Variants in L2HGDH observed in about 807,000 individuals in gnomAD.
L2HGDH encodes the protein L-2-hydroxyglutarate dehydrogenase, mitochondrial.
L2HGDH carries 34 observed loss-of-function variants against 51.5 expected under a neutral mutation model. The ratio of observed to expected loss-of-function variants is 0.66; its 90% CI spans 0.50 to 0.88. L2HGDH has a LOEUF of 0.88. Among genes scored for constraint, L2HGDH ranks in the 40% least tolerant of loss-of-function variants. The pLI, the probability that L2HGDH is intolerant of heterozygous loss-of-function variation, is 0.00. For synonymous variants in L2HGDH, 198 were observed against 197.9 expected, an observed-to-expected ratio of 1.00 and a Z score of -0.01; for missense variants, 558 against 571.9, an observed-to-expected ratio of 0.98 and a Z score of 0.25.
At chr14:50,251,122 G>C (rs745483807) in intron 9 of L2HGDH, among the ~76,000 whole-genome samples, 3 of 152,136 alleles carry the variant, frequency 2.0e-5, no homozygotes, top group Non-Finnish European at 2.9e-5. Context: ...AGAAATTCAA[G>C]ACAACACAGA....
chr14:50,295,137 A>G (rs879721198), intron 3 of L2HGDH, among the ~76,000 whole-genome samples: 2 of 152,224 alleles, frequency 1.3e-5, no homozygotes, highest in Non-Finnish European at 2.9e-5. Flanking sequence ...AAGAATTCTT[A>G]CAACTCATAA....
chr14:50,303,159 C>A, intron 1 of L2HGDH, 142 bp from the exon 2 acceptor site: 1 of 607,728 alleles, frequency 1.6e-6, no homozygotes, highest in Non-Finnish European at 3.0e-6. Context: ...CGCAGTGGCT[C>A]ACACCTGTAA....
intron 4 of L2HGDH, among the ~76,000 whole-genome samples, chr14:50,288,855 C>T (rs985121318): frequency 6.6e-6 from 1 of 152,198 alleles, no homozygotes; most frequent in African/African-American, 2.4e-5. Flanking sequence ...CATCAGAGTG[C>T]CTTTTCTAAA....
intron 9 of L2HGDH, among the ~76,000 whole-genome samples, chr14:50,251,314 A>G (rs1412562376): frequency 6.6e-6 from 1 of 152,258 alleles, no homozygotes; most frequent in East Asian, 1.9e-4. Context: ...TTGAAAATAC[A>G]TAGTCAGATG....
At position 50,302,044 on chromosome 14, in the gene L2HGDH, C is replaced by T; in HGVS notation, c.381G>A (p.Lys127=). 6.2e-7 allele frequency: 1 copy of T among 1,614,112 alleles called. No homozygotes were observed. The highest frequency in any genetic ancestry group is 8.5e-7 in the Non-Finnish European group (1 of 1,180,032). The change falls in exon 3 of 10, where the codon AAG becomes AAA. Residue 127 remains lysine, a synonymous_variant. Coordinates refer to ENST00000267436, the MANE Select transcript of L2HGDH (RefSeq NM_024884.3). ...AALLYEYCQQ[K]GISYKQCGKL... The stretch of plus-strand genomic sequence containing the variant: ...TGCCACACTGCTTGTAGGAAATTCC[C>T]TTTTGCTGACAGTACTCATAGAGGA...
In L2HGDH at chr14:50,247,027, A is replaced by G. The variant is rs756867173; in HGVS notation, c.*31T>C. The G allele has an allele frequency of 6.2e-7, 1 of 1,601,630 alleles. No homozygotes were observed. The highest frequency in any genetic ancestry group is 1.1e-5 in the South Asian group (1 of 90,098). On this transcript the variant is annotated 3_prime_UTR_variant, in exon 10 of 10. Coordinates refer to ENST00000267436, the MANE Select transcript of L2HGDH (RefSeq NM_024884.3). ...GTACATTCTTGTTGCTGACATGAAG[A>G]TTACAGTGCATACCTAGCTCCTTTC... is the stretch of plus-strand genomic sequence containing the variant.
chr14:50,306,961 G>A (rs752648175), intron 1 of L2HGDH, among the ~76,000 whole-genome samples: 8 of 151,974 alleles, frequency 5.3e-5, no homozygotes, highest in Non-Finnish European at 1.0e-4. Flanking sequence ...TATTATAGGC[G>A]AACACTGCCA....
At chr14:50,304,709 C>A (rs1290566006) in intron 1 of L2HGDH, among the ~76,000 whole-genome samples, 1 of 152,144 alleles carries the variant, frequency 6.6e-6, no homozygotes, top group African/African-American at 2.4e-5. Flanking sequence ...GTGGCGGGCA[C>A]CTGTAGTCCC....
intron 3 of L2HGDH, among the ~76,000 whole-genome samples, chr14:50,296,849 A>T (rs2030088432): frequency 6.6e-6 from 1 of 152,194 alleles, no homozygotes; most frequent in Non-Finnish European, 1.5e-5. Flanking sequence ...TATCCCTTAA[A>T]AATATTAATG....
intron 4 of L2HGDH, among the ~76,000 whole-genome samples, chr14:50,291,217 A>AAAAAAAAAAAAAAAAAAAAAT: frequency 6.7e-6 from 1 of 150,154 alleles, no homozygotes; most frequent in African/African-American, 2.4e-5. Flanking sequence ...AAAAAAAAAA[A>AAAAAAAAAAAAAAAAAAAAAT]AAAAAAACAA....
At chr14:50,287,199 A>C in intron 4 of L2HGDH, 1 of 985,294 alleles carries the variant, frequency 1.0e-6, no homozygotes. Flanking sequence ...TGGTCACCTC[A>C]TCAGGTACAG....
At chr14:50,249,882 C>CTTTTTTTTTT (rs747924080) in intron 9 of L2HGDH, among the ~76,000 whole-genome samples, 2 of 68,956 alleles carry the variant, frequency 2.9e-5, no homozygotes, top group African/African-American at 5.6e-5. Flanking sequence ...GCTTACACTC[C>CTTTTTTTTTT]TTTTTTTTTT....
In L2HGDH at chr14:50,301,926, GA is replaced by G. The variant is rs1186096458; in HGVS notation, c.408+90del. The G allele has an allele frequency of 1.1e-5, 15 of 1,331,740 alleles. No individual in the cohort carries two copies. The African/African-American group carries it at 1.5e-4, about 13-fold the overall frequency. The allele number at this position is 1,331,740 out of a possible 1,614,324, so 82.5% of individuals were successfully genotyped here. A position where few individuals can be genotyped will look rare whatever the true frequency, so the allele number is the denominator to read the frequency against. On this transcript the variant is annotated intron_variant, in intron 3 of 9. Transcript: ENST00000267436. Reference sequence around the variant, plus strand: ...ATTTGAAAAATTACATAGATACAAAGAAAAAAATACATTTTTAAAAAATGTA... The same window carrying G: ...ATTTGAAAAATTACATAGATACAAAGAAAAAATACATTTTTAAAAAATGTA...
chr14:50,259,790 C>T (rs988125973), intron 9 of L2HGDH, among the ~76,000 whole-genome samples: 11 of 151,604 alleles, frequency 7.3e-5, no homozygotes, highest in African/African-American at 1.9e-4. Context: ...GCTGAGACTG[C>T]GCCACTGCAC....
Position 50,245,051 on chromosome 14 carries a change from C to G in L2HGDH, c.*2007G>C, listed in dbSNP as rs756269656. 177 of 985,606 alleles carry G rather than the reference C, an allele frequency of 1.8e-4. No individual in the cohort carries two copies. The highest frequency in any genetic ancestry group is 1.9e-4 in the Non-Finnish European group (155 of 829,914). The allele number at this position is 985,606 out of a possible 1,614,324, so 61.1% of individuals were successfully genotyped here. A position where few individuals can be genotyped will look rare whatever the true frequency, so the allele number is the denominator to read the frequency against. On this transcript the variant is annotated 3_prime_UTR_variant, in exon 10 of 10. Transcript: ENST00000267436. ...ACAAAACACATATATACAGGATATA[C>G]CACAGCACTGGGCATCAACTTAAAA...
chr14:50,283,881 T>C lies in L2HGDH; in HGVS notation c.693A>G (p.Arg231=), dbSNP rs987231903. The change falls in exon 5 of 10, where the codon AGA becomes AGG. Residue 231 remains arginine (R), a synonymous_variant. Transcript: ENST00000267436. ...ACAAGGATGGCTTACCATCTATACTTCTTGAAGGACTTTCTTTAGCCATTT... is the reference window on the plus strand; with the variant it reads ...ACAAGGATGGCTTACCATCTATACTCCTTGAAGGACTTTCTTTAGCCATTT... ...GIEMAKESPS[R]SIDGMQYPIV... is the part of the protein sequence containing the mutation. The C allele has an allele frequency of 6.2e-7, 1 of 1,614,020 alleles. No homozygotes were observed. Among genetic ancestry groups the C allele is most frequent in the Non-Finnish European group, 8.5e-7 (1 of 1,179,912 alleles).
At chr14:50,268,564 C>T (rs544718122) in intron 7 of L2HGDH, among the ~76,000 whole-genome samples, 1 of 152,172 alleles carries the variant, frequency 6.6e-6, no homozygotes, top group South Asian at 2.1e-4. Flanking sequence ...AAAAAATACA[C>T]ATTCATAGCA....
intron 9 of L2HGDH, among the ~76,000 whole-genome samples, chr14:50,248,592 G>A (rs1339261462): frequency 6.6e-6 from 1 of 152,230 alleles, no homozygotes; most frequent in Non-Finnish European, 1.5e-5. Context: ...CATTCGTAGA[G>A]AGGTAAATAA....
At chr14:50,284,138 T>A (rs1032336247) in intron 4 of L2HGDH, 105 bp from the exon 5 acceptor site, 7 of 1,059,230 alleles carry the variant, frequency 6.6e-6, no homozygotes, top group African/African-American at 3.2e-5. Flanking sequence ...GGAGTTGATT[T>A]TGCCAAGCTT....
Sources: allele counts gnomAD v4.1 joint callset (sites outside exome capture counted in the v4.1 genomes callset), GRCh38; gene constraint gnomAD v4.1.1; transcripts MANE v1.5; gene names NCBI Gene and HGNC (gene_info 2026-07-23, HGNC 2026-07-21).